HMBOX1: variants seen among roughly 807,000 people sequenced by gnomAD.
HMBOX1 encodes the protein homeobox containing 1, also known as homeobox-containing protein 1.
Under a neutral mutation model 54.5 loss-of-function variants are expected in HMBOX1, and 14 were observed. That is an observed-to-expected ratio of 0.26 (90% CI 0.17 to 0.40). HMBOX1 has a LOEUF of 0.40. HMBOX1 is among the 10% of genes least tolerant of loss of function. The pLI is 1.00. For synonymous variants in HMBOX1, 160 were observed against 181.0 expected, an observed-to-expected ratio of 0.88 and a Z score of 0.93; for missense variants, 332 against 514.4, an observed-to-expected ratio of 0.65 and a Z score of 3.43.
chr8:28,903,864 C>G (rs1221532612), intron 1 of HMBOX1, among the ~76,000 whole-genome samples: 1 of 152,054 alleles, frequency 6.6e-6, no homozygotes, highest in South Asian at 2.1e-4. Context: ...GTGATTTTAC[C>G]CTCCAGGGAC....
At chr8:28,992,954 C>T (rs1244134367) in intron 4 of HMBOX1, among the ~76,000 whole-genome samples, 1 of 151,444 alleles carries the variant, frequency 6.6e-6, no homozygotes, top group Non-Finnish European at 1.5e-5. Context: ...ATCCCCTTCC[C>T]ACATGAGACT....
At chr8:28,916,791 T>G (rs562838177) in intron 1 of HMBOX1, among the ~76,000 whole-genome samples, 1 of 152,224 alleles carries the variant, frequency 6.6e-6, no homozygotes, top group South Asian at 2.1e-4. Context: ...CTATTCTCAT[T>G]CATTGGCCTT....
intron 4 of HMBOX1, 96 bp from the exon 5 acceptor site, chr8:29,008,974 CAG>C: frequency 2.3e-6 from 2 of 863,986 alleles, no homozygotes; most frequent in Non-Finnish European, 3.7e-6. Flanking sequence ...GGACTGGACA[CAG>C]AGAATAAAGC....
intron 1 of HMBOX1, among the ~76,000 whole-genome samples, chr8:28,952,158 TAA>T (rs3053470): frequency 1.8e-4 from 23 of 127,758 alleles, no homozygotes; most frequent in Non-Finnish European, 1.6e-4. Flanking sequence ...GACCCTATCT[TAA>T]AAAAAAAAAA....
chr8:28,998,781 C>G (rs1038601104), intron 4 of HMBOX1, among the ~76,000 whole-genome samples: 17 of 151,904 alleles, frequency 1.1e-4, no homozygotes, highest in African/African-American at 3.9e-4. Context: ...AATCCCTTGT[C>G]ATTTCTTTTG....
chr8:28,918,274 G>A (rs901420476), intron 1 of HMBOX1, among the ~76,000 whole-genome samples: 1 of 152,128 alleles, frequency 6.6e-6, no homozygotes, highest in Admixed American at 6.5e-5. Context: ...CGCGATCTCG[G>A]CTCACCACAA....
intron 4 of HMBOX1, among the ~76,000 whole-genome samples, chr8:28,985,686 A>G (rs994494867): frequency 6.6e-6 from 1 of 152,212 alleles, no homozygotes; most frequent in Non-Finnish European, 1.5e-5. Context: ...AAACCACTGC[A>G]TATTCTATTT....
intron 2 of HMBOX1, among the ~76,000 whole-genome samples, chr8:28,969,643 T>C (rs1391908016): frequency 2.6e-5 from 4 of 152,298 alleles, no homozygotes; most frequent in African/African-American, 9.6e-5. Context: ...TCAGTAATTT[T>C]CCATTAATAC....
chr8:28,908,091 G>T (rs985475764), intron 1 of HMBOX1, among the ~76,000 whole-genome samples: 1 of 152,120 alleles, frequency 6.6e-6, no homozygotes, highest in Non-Finnish European at 1.5e-5. Flanking sequence ...GGCCTCAAGT[G>T]ATTTGCCTGC....
chr8:28,973,803 G>GTTTTTTTTTTTTTTTTT lies in HMBOX1; in HGVS notation c.500+3299_500+3315dup, dbSNP rs71222583. On this transcript the variant is annotated intron_variant, in intron 3 of 9. Coordinates refer to ENST00000287701, the MANE Select transcript of HMBOX1 (RefSeq NM_001135726.3). Reference sequence around the variant, plus strand: ...TAATAATTTCGAGATACATAATGGAGTTTTTTTTTTTTTTTTTTTTTTTTT... The same window carrying GTTTTTTTTTTTTTTTTT: ...TAATAATTTCGAGATACATAATGGAGTTTTTTTTTTTTTTTTTTTTTTTTTTTTTTTTTTTTTTTTTT... 1.6e-3 allele frequency among the ~76,000 whole-genome samples: 113 copies of GTTTTTTTTTTTTTTTTT among 72,646 alleles called. 12 individuals carry two copies. Among genetic ancestry groups the GTTTTTTTTTTTTTTTTT allele is most frequent in the South Asian group, 4.6e-3 (6 of 1,298 alleles). 47.7% of individuals were successfully genotyped at this position (72,646 alleles called of 152,430 possible).
chr8:28,952,637 AGACAAATAGGTT>A (rs1292396971), intron 1 of HMBOX1, among the ~76,000 whole-genome samples: 1 of 152,246 alleles, frequency 6.6e-6, no homozygotes, highest in African/African-American at 2.4e-5. Context: ...CAGTCCAGCC[AGACAAATAGGTT>A]GAAGTTACAG....
chr8:28,913,158 G>C (rs997306881), intron 1 of HMBOX1, among the ~76,000 whole-genome samples: 1 of 152,048 alleles, frequency 6.6e-6, no homozygotes, highest in Non-Finnish European at 1.5e-5. Flanking sequence ...CCCTAGTGCT[G>C]GTCTTGCCCT....
chr8:28,982,187 C>T (rs1427452481), intron 4 of HMBOX1, among the ~76,000 whole-genome samples: 11 of 152,140 alleles, frequency 7.2e-5, no homozygotes, highest in African/African-American at 2.2e-4. Flanking sequence ...GAGCCGAGAT[C>T]GCGCCACTGC....
Position 28,929,348 on chromosome 8 carries a change from A to T in HMBOX1, c.-57-34463A>T, listed in dbSNP as rs143968767. 4.7e-4 allele frequency among the ~76,000 whole-genome samples: 72 copies of T among 152,296 alleles called. No individual in the cohort carries two copies. The East Asian group carries it at 8.3e-3, about 18-fold the overall frequency. On this transcript the variant is annotated intron_variant, in intron 1 of 9. Coordinates refer to ENST00000287701, the MANE Select transcript of HMBOX1 (RefSeq NM_001135726.3). ...CTCATTCTTGTTGGCTCTGTAAAGA[A>T]TGATTGTGAGAAGGGAAGTGAGAAG...
intron 1 of HMBOX1, among the ~76,000 whole-genome samples, chr8:28,923,199 C>T (rs1179738999): frequency 4.6e-5 from 7 of 152,120 alleles, no homozygotes; most frequent in African/African-American, 7.2e-5. Context: ...GCCCTCATCC[C>T]CTAGCAACTG....
chr8:28,984,123 A>G (rs1586274834), intron 4 of HMBOX1, among the ~76,000 whole-genome samples: 1 of 152,328 alleles, frequency 6.6e-6, no homozygotes, highest in Non-Finnish European at 1.5e-5. Flanking sequence ...CTGGTCACCT[A>G]GAGCTCACTC....
At chr8:28,989,455 C>G (rs1282921629) in intron 4 of HMBOX1, among the ~76,000 whole-genome samples, 2 of 151,850 alleles carry the variant, frequency 1.3e-5, no homozygotes, top group Non-Finnish European at 2.9e-5. Context: ...GTTGGAAAAC[C>G]ATTTGTTGAA....
At chr8:28,927,207 T>C (rs2131855995) in intron 1 of HMBOX1, among the ~76,000 whole-genome samples, 1 of 152,352 alleles carries the variant, frequency 6.6e-6, no homozygotes, top group South Asian at 2.1e-4. Context: ...ATGTGATTAT[T>C]ATGCATTGCA....
intron 6 of HMBOX1, among the ~76,000 whole-genome samples, chr8:29,039,599 A>G (rs1804514278): frequency 6.6e-6 from 1 of 152,112 alleles, no homozygotes; most frequent in South Asian, 2.1e-4. Context: ...TGTTGATTAG[A>G]TACTTACTGT....
Sources: allele counts gnomAD v4.1 joint callset (sites outside exome capture counted in the v4.1 genomes callset), GRCh38; gene constraint gnomAD v4.1.1; transcripts MANE v1.5; gene names NCBI Gene and HGNC (gene_info 2026-07-23, HGNC 2026-07-21).